The following TRIP4 variants were observed in gnomAD, a reference collection of about 807,000 sequenced individuals.
TRIP4 encodes thyroid hormone receptor interactor 4, also known as activating signal cointegrator 1.
In TRIP4, 54 loss-of-function variants were observed where a neutral mutation model predicts 81.8. The ratio of observed to expected loss-of-function variants is 0.66; its 90% confidence interval spans 0.53 to 0.83. TRIP4 has a LOEUF of 0.83. Ranked by LOEUF, TRIP4 falls within the 40% of genes least tolerant of loss-of-function variation. The probability of loss-of-function intolerance (pLI) is 0.00; values close to 1 mark genes in which losing one functional copy is unlikely to be tolerated. For missense variants in TRIP4, 662 were observed against 683.6 expected (o/e 0.97, Z 0.35); for synonymous variants, 270 against 242.8 (o/e 1.11, Z -1.04).
At chr15:64,410,753 G>A (rs1472745432) in intron 7 of TRIP4, among the ~76,000 whole-genome samples, 1 of 152,032 alleles carries the variant, frequency 6.6e-6, no homozygotes, top group African/African-American at 2.4e-5. Context: ...AAAAAAGACA[G>A]TACCAAGTTG....
At chr15:64,413,565 TC>T (rs954327190) in intron 7 of TRIP4, among the ~76,000 whole-genome samples, 44 of 152,016 alleles carry the variant, frequency 2.9e-4, no homozygotes, top group African/African-American at 9.4e-4. Context: ...TTCTTGGTAT[TC>T]TGGAACTTTT....
In TRIP4 at chr15:64,409,683, A is replaced by G; in HGVS notation, c.898A>G (p.Lys300Glu). The change falls in exon 7 of 13, where the codon AAA becomes GAA. Residue 300 changes from lysine to glutamate, a missense_variant. Lys to Glu is a moderately conservative substitution (Grantham distance 56, BLOSUM62 1). Transcript: ENST00000261884. Reference protein sequence around the residue: ...FASDSNQWLSKLERETLQKRE... With the variant: ...FASDSNQWLSELERETLQKRE... ...CAGTGATTCTAACCAATGGTTGTCC[A>G]AACTTGAGCGGGAAACCTTGCAGAA... is the stretch of plus-strand genomic sequence containing the variant. 1 of 1,614,218 alleles carries G rather than the reference A, an allele frequency of 6.2e-7. No homozygotes were observed. Among genetic ancestry groups the G allele is most frequent in the South Asian group, 1.1e-5 (1 of 91,090 alleles).
intron 11 of TRIP4, among the ~76,000 whole-genome samples, chr15:64,442,140 C>T (rs72741328): frequency 0.048 from 7,311 of 151,002 alleles, 233 homozygotes; most frequent in South Asian, 0.086. Flanking sequence ...GACTTTTATT[C>T]TGATTGAGAT....
chr15:64,440,990 A>ATTTTTTTTTTTTTTTTT (rs1396061395), intron 11 of TRIP4, among the ~76,000 whole-genome samples: 1 of 144,874 alleles, frequency 6.9e-6, no homozygotes, highest in African/African-American at 2.5e-5. Context: ...TGGTAAATTC[A>ATTTTTTTTTTTTTTTTT]TTTTTTTTTT....
chr15:64,414,585 CG>C (rs1891850670), intron 8 of TRIP4, among the ~76,000 whole-genome samples: 1 of 132,912 alleles, frequency 7.5e-6, no homozygotes, highest in African/African-American at 2.8e-5. Flanking sequence ...GGCATGATCT[CG>C]GGTCACTGCA....
intron 12 of TRIP4, among the ~76,000 whole-genome samples, chr15:64,447,124 C>G (rs946454276): frequency 1.3e-4 from 19 of 150,792 alleles, no homozygotes; most frequent in African/African-American, 4.2e-4. Flanking sequence ...AAAACAAAAA[C>G]AAAAACAAAC....
chr15:64,417,707 C>T (rs1403264204), intron 8 of TRIP4, among the ~76,000 whole-genome samples: 1 of 152,158 alleles, frequency 6.6e-6, no homozygotes, highest in African/African-American at 2.4e-5. Flanking sequence ...ACAAGTTCTT[C>T]ATTTCAGGGT....
intron 12 of TRIP4, among the ~76,000 whole-genome samples, chr15:64,446,192 T>C (rs1465019041): frequency 1.3e-5 from 2 of 151,790 alleles, no homozygotes; most frequent in East Asian, 3.9e-4. Flanking sequence ...AAGTATCGCT[T>C]GAACTCGGGA....
intron 7 of TRIP4, among the ~76,000 whole-genome samples, chr15:64,412,892 C>A (rs940194126): frequency 2.0e-5 from 3 of 152,194 alleles, no homozygotes; most frequent in East Asian, 1.9e-4. Flanking sequence ...TCATCACATT[C>A]TTTTATAGGT....
At chr15:64,424,006 C>G in intron 9 of TRIP4, 25 bp from the exon 10 acceptor site, 1 of 1,612,286 alleles carries the variant, frequency 6.2e-7, no homozygotes. Context: ...TTATATCCTT[C>G]CCACTAAATT....
intron 11 of TRIP4, among the ~76,000 whole-genome samples, chr15:64,443,429 A>C (rs1014841435): frequency 2.6e-5 from 4 of 152,312 alleles, no homozygotes; most frequent in South Asian, 4.1e-4. Flanking sequence ...GAAAAACAGG[A>C]AAATTAAAGA....
chr15:64,405,709 A>T (rs1891607828), intron 5 of TRIP4, among the ~76,000 whole-genome samples: 1 of 152,120 alleles, frequency 6.6e-6, no homozygotes, highest in Admixed American at 6.6e-5. Context: ...ATAAACGTAT[A>T]TTTAGGCTGG....
At chr15:64,406,506 C>A (rs186420067) in intron 6 of TRIP4, 47 bp downstream of exon 6, 2 of 1,591,694 alleles carry the variant, frequency 1.3e-6, no homozygotes, top group Non-Finnish European at 1.7e-6. Flanking sequence ...AACTAGTCCA[C>A]AGATTCTGGC....
chr15:64,399,087 C>T (rs992032406), intron 4 of TRIP4, among the ~76,000 whole-genome samples: 2 of 151,404 alleles, frequency 1.3e-5, no homozygotes, highest in Non-Finnish European at 2.9e-5. Flanking sequence ...GTAGCTGGGA[C>T]AACAGGGACA....
At chr15:64,408,828 A>C (rs954173253) in intron 6 of TRIP4, among the ~76,000 whole-genome samples, 2 of 152,116 alleles carry the variant, frequency 1.3e-5, no homozygotes, top group South Asian at 2.1e-4. Context: ...CCTAATTGTC[A>C]TATTTTGGAA....
At chr15:64,426,985 G>C (rs1480772679) in intron 11 of TRIP4, among the ~76,000 whole-genome samples, 6 of 152,016 alleles carry the variant, frequency 3.9e-5, no homozygotes, top group Admixed American at 2.0e-4. Flanking sequence ...GGGCAACAGA[G>C]CAAGGCTCTG....
chr15:64,421,424 C>T (rs185982889), intron 9 of TRIP4, among the ~76,000 whole-genome samples: 1 of 151,510 alleles, frequency 6.6e-6, no homozygotes, highest in East Asian at 2.0e-4. Flanking sequence ...GCAACCTCCA[C>T]CTTCCAGGTT....
chr15:64,399,106 C>G (rs917748723), intron 4 of TRIP4, among the ~76,000 whole-genome samples: 1 of 151,788 alleles, frequency 6.6e-6, no homozygotes, highest in African/African-American at 2.4e-5. Context: ...CACACCACCA[C>G]GCCCAGCTAA....
intron 10 of TRIP4, 112 bp downstream of exon 10, chr15:64,424,267 T>TAACA: frequency 6.9e-7 from 1 of 1,449,824 alleles, no homozygotes; most frequent in Non-Finnish European, 9.4e-7. Flanking sequence ...AAGAGACTTT[T>TAACA]AATCTTTGTA....
Sources: gnomAD v4.1 joint callset for allele counts (sites outside exome capture counted in the v4.1 genomes callset) on GRCh38, gnomAD v4.1.1 for gene constraint, MANE v1.5 for transcripts, NCBI Gene and HGNC (gene_info 2026-07-23, HGNC 2026-07-21) for gene names.